Variants in PTPRM observed in about 807,000 individuals in gnomAD.
The protein encoded by PTPRM is receptor-type tyrosine-protein phosphatase mu.
A neutral mutation model predicts 186.7 loss-of-function variants in PTPRM; 47 were observed. The observed-to-expected ratio is 0.25, with a 90% CI of 0.20 to 0.32. PTPRM has a LOEUF of 0.32. PTPRM is among the 10% of genes least tolerant of loss of function. The probability of loss-of-function intolerance (pLI) is 1.00; values close to 1 mark genes in which losing one functional copy is unlikely to be tolerated. For synonymous variants in PTPRM, 668 were observed against 674.9 expected (o/e 0.99, Z 0.16); for missense variants, 1,494 against 1,865.0 (o/e 0.80, Z 3.66).
chr18:7,904,108 A>G (rs1194535702), intron 3 of PTPRM, among the ~76,000 whole-genome samples: 7 of 152,220 alleles, frequency 4.6e-5, no homozygotes, highest in African/African-American at 1.7e-4. Context: ...ATATCTGCTT[A>G]CTAAATGTTA....
At chr18:7,720,656 C>T (rs188844063) in intron 1 of PTPRM, among the ~76,000 whole-genome samples, 68 of 152,216 alleles carry the variant, frequency 4.5e-4, no homozygotes, top group African/African-American at 1.5e-3. Flanking sequence ...CCCCAGCCAC[C>T]GGAAACTATC....
At chr18:8,080,814 T>C (rs1458417122) in intron 9 of PTPRM, among the ~76,000 whole-genome samples, 1 of 152,212 alleles carries the variant, frequency 6.6e-6, no homozygotes, top group Non-Finnish European at 1.5e-5. Flanking sequence ...ATGAGCCATG[T>C]ATATGAAATT....
intron 14 of PTPRM, among the ~76,000 whole-genome samples, chr18:8,188,918 AG>A (rs1231793176): frequency 6.6e-6 from 1 of 152,140 alleles, no homozygotes; most frequent in African/African-American, 2.4e-5. Context: ...TGGATTATTA[AG>A]ATAACAGTGG....
At chr18:8,189,288 C>CA (rs34633889) in intron 14 of PTPRM, among the ~76,000 whole-genome samples, 61,575 of 116,202 alleles carry the variant, frequency 0.53, 15,373 homozygotes, top group East Asian at 0.83. Context: ...AGACTCGTCT[C>CA]AAAAAAAAAA....
chr18:8,237,736 G>C (rs1246023251), intron 14 of PTPRM, among the ~76,000 whole-genome samples: 1 of 151,970 alleles, frequency 6.6e-6, no homozygotes, highest in Non-Finnish European at 1.5e-5. Flanking sequence ...GTGAGCCACC[G>C]CACCTGGCCC....
rs1321342692 is a variant in PTPRM, at chr18:8,319,190, C to A, written c.2932C>A (p.Pro978Thr). Residue 978 changes from proline to threonine, a missense_variant, in exon 22 of 33, where the codon CCC becomes ACC. Coordinates refer to ENST00000580170, the MANE Select transcript of PTPRM (RefSeq NM_001105244.2). The part of the protein sequence containing the change: ...NGNYIDGYHR[P>T]NHYIATQGPM... ...TATTTATTTTTAGGGTTATCATCGA[C>A]CCAATCATTACATTGCTACCCAAGG... is the stretch of plus-strand genomic sequence containing the variant. 9.6e-6 allele frequency: 15 copies of A among 1,557,974 alleles called. No homozygotes were observed. The highest frequency in any genetic ancestry group is 1.3e-5 in the Non-Finnish European group (15 of 1,133,636).
At position 7,967,677 on chromosome 18, in the gene PTPRM, G is replaced by T. The variant is rs751180773; in HGVS notation, c.1132+12263G>T. On this transcript the variant is annotated intron_variant, in intron 7 of 32. Transcript: ENST00000580170. ...GAAGAATGCAGAAGCCTCAGGAGCC[G>T]ATGCGATCAACTGGAAGAAAGGGTA... Among the ~76,000 whole-genome samples, 360 of 131,336 alleles carry T rather than the reference G, an allele frequency of 2.7e-3. 3 individuals are homozygous for T. Among genetic ancestry groups the T allele is most frequent in the Non-Finnish European group, 4.3e-3 (271 of 62,514 alleles). The allele number at this position is 131,336 out of a possible 152,430, so 86.2% of individuals were successfully genotyped here.
intron 14 of PTPRM, among the ~76,000 whole-genome samples, chr18:8,193,780 GTC>G (rs2093739198): frequency 6.6e-6 from 1 of 152,266 alleles, no homozygotes; most frequent in Non-Finnish European, 1.5e-5. Context: ...AGCTGCCCCT[GTC>G]TCTACTCCAG....
intron 23 of PTPRM, among the ~76,000 whole-genome samples, chr18:8,368,053 A>G (rs150660426): frequency 9.5e-4 from 144 of 152,192 alleles, no homozygotes; most frequent in African/African-American, 3.3e-3. Context: ...TTTAAAGTGT[A>G]TATTTATTCA....
At chr18:8,165,408 T>C (rs2093307742) in intron 14 of PTPRM, among the ~76,000 whole-genome samples, 1 of 152,154 alleles carries the variant, frequency 6.6e-6, no homozygotes, top group Non-Finnish European at 1.5e-5. Context: ...TTTATGTTGT[T>C]GGTACATGTC....
At chr18:7,637,464 C>T (rs1457386646) in intron 1 of PTPRM, among the ~76,000 whole-genome samples, 1 of 152,178 alleles carries the variant, frequency 6.6e-6, no homozygotes, top group Non-Finnish European at 1.5e-5. Flanking sequence ...AATGTGTACA[C>T]ACTGCCTCTT....
At chr18:8,260,917 G>A (rs1041202611) in intron 19 of PTPRM, among the ~76,000 whole-genome samples, 3 of 152,180 alleles carry the variant, frequency 2.0e-5, no homozygotes, top group Non-Finnish European at 2.9e-5. Context: ...ACTTCTAGAC[G>A]ACTTTTCAGA....
Position 7,890,514 on chromosome 18 carries a change from G to GT in PTPRM, c.468+2139dup, listed in dbSNP as rs1366111092. Among the ~76,000 whole-genome samples the GT allele has an allele frequency of 2.1e-3, 323 of 150,922 alleles. 1 individual carries two copies. The highest frequency in any genetic ancestry group is 3.2e-3 in the Non-Finnish European group (212 of 67,246). Reference sequence around the variant, plus strand: ...GATTTAATGAGTGACAAGTAAATGTGTTGTTTTTTTTTAATGGAAATGAAG... The same window carrying GT: ...GATTTAATGAGTGACAAGTAAATGTGTTTGTTTTTTTTTAATGGAAATGAAG... On this transcript the variant is annotated intron_variant, in intron 3 of 32. Coordinates refer to ENST00000580170, the MANE Select transcript of PTPRM (RefSeq NM_001105244.2).
intron 1 of PTPRM, among the ~76,000 whole-genome samples, chr18:7,613,347 A>G (rs1380875557): frequency 3.3e-5 from 5 of 152,076 alleles, no homozygotes; most frequent in East Asian, 3.9e-4. Flanking sequence ...TAGATGCTCA[A>G]TAATGATTTC....
chr18:8,100,183 G>A (rs1372203354), intron 11 of PTPRM, among the ~76,000 whole-genome samples: 1 of 152,086 alleles, frequency 6.6e-6, no homozygotes, highest in Non-Finnish European at 1.5e-5. Flanking sequence ...CTGTCACCCA[G>A]GCTGGAGGGC....
At chr18:7,729,049 C>T (rs558025325) in intron 1 of PTPRM, among the ~76,000 whole-genome samples, 75 of 151,728 alleles carry the variant, frequency 4.9e-4, no homozygotes, top group African/African-American at 1.8e-3. Context: ...TAGCTGGGCC[C>T]ACAGTTGTGC....
intron 15 of PTPRM, among the ~76,000 whole-genome samples, 191 bp from the exon 16 acceptor site, chr18:8,247,654 G>T (rs2094490029): frequency 6.6e-6 from 1 of 152,152 alleles, no homozygotes; most frequent in Non-Finnish European, 1.5e-5. Flanking sequence ...GTGACGAAAG[G>T]TTGCTTGTCT....
intron 27 of PTPRM, 47 bp from the exon 28 acceptor site, chr18:8,379,120 C>G (rs371717157): frequency 6.7e-7 from 1 of 1,501,670 alleles, no homozygotes; most frequent in African/African-American, 1.4e-5. Flanking sequence ...GAGAGGAGTC[C>G]GCTGCCAAGG....
intron 11 of PTPRM, among the ~76,000 whole-genome samples, chr18:8,105,630 T>A (rs930867767): frequency 3.3e-5 from 5 of 152,178 alleles, no homozygotes; most frequent in Non-Finnish European, 5.9e-5. Flanking sequence ...CAAAGTAATC[T>A]CTTCTGAAGG....
Sources: gnomAD v4.1 joint callset for allele counts (sites outside exome capture counted in the v4.1 genomes callset) on GRCh38, gnomAD v4.1.1 for gene constraint, MANE v1.5 for transcripts, NCBI Gene and HGNC (gene_info 2026-07-23, HGNC 2026-07-21) for gene names.